DMD: variants seen among roughly 807,000 people sequenced by gnomAD.
The protein encoded by DMD is mutant dystrophin.
Under a neutral mutation model 330.1 loss-of-function variants are expected in DMD, and 63 were observed. The ratio of observed to expected loss-of-function variants is 0.19; its 90% CI spans 0.16 to 0.24. The LOEUF (loss-of-function observed/expected upper bound fraction) is 0.24. Ranked by LOEUF, DMD falls within the 10% of genes least tolerant of loss-of-function variation. DMD has a pLI of 1.00. For synonymous variants in DMD, 1,223 were observed against 959.8 expected (o/e 1.27, Z -5.07); for missense variants, 3,344 against 2,684.1 (o/e 1.25, Z -5.43).
intron 2 of DMD, among the ~76,000 whole-genome samples, chrX:32,857,339 T>C (rs922580961): frequency 8.9e-6 from 1 of 112,126 alleles, no homozygotes; most frequent in Non-Finnish European, 1.9e-5. Flanking sequence ...AGAAAATAAA[T>C]TTACACTTTC....
intron 43 of DMD, among the ~76,000 whole-genome samples, chrX:32,265,572 A>G (rs1368250385): frequency 8.9e-6 from 1 of 111,738 alleles, no homozygotes; most frequent in African/African-American, 3.2e-5. Context: ...AGCCACAGAC[A>G]CTCAATGCTA....
intron 44 of DMD, among the ~76,000 whole-genome samples, chrX:31,990,937 C>G (rs1397646958): frequency 1.8e-5 from 2 of 111,911 alleles, no homozygotes; most frequent in Non-Finnish European, 3.8e-5. Flanking sequence ...TGATGAATTT[C>G]CAAATTGATT....
At position 32,662,294 on chromosome X, in the gene DMD, C is replaced by A. The variant is rs184691825; in HGVS notation, c.961-17142G>T. On this transcript the variant is annotated intron_variant, in intron 9 of 78. Transcript: ENST00000357033. Reference sequence around the variant, plus strand: ...CAAATATGAAAGTACGGCAGCTCTTCAAAAACCTTAACATAAAGGTAAATT... The same window carrying A: ...CAAATATGAAAGTACGGCAGCTCTTAAAAAACCTTAACATAAAGGTAAATT... Among the ~76,000 whole-genome samples, 419 of 111,392 alleles carry A rather than the reference C, an allele frequency of 3.8e-3. 1 individual carries two copies. Among genetic ancestry groups the A allele is most frequent in the African/African-American group, 0.013 (400 of 30,796 alleles).
intron 12 of DMD, among the ~76,000 whole-genome samples, chrX:32,601,806 G>C (rs1001079199): frequency 3.6e-5 from 4 of 111,785 alleles, no homozygotes; most frequent in Non-Finnish European, 7.5e-5. Flanking sequence ...TTCTTTATGT[G>C]GTTAAGAAGA....
At chrX:31,440,147 CT>C (rs56881685) in intron 60 of DMD, among the ~76,000 whole-genome samples, 1,130 of 92,498 alleles carry the variant, frequency 0.012, 16 homozygotes, top group African/African-American at 0.041. Context: ...TAAAGTATTG[CT>C]TTTTTTTTTT....
intron 21 of DMD, among the ~76,000 whole-genome samples, chrX:32,479,894 C>G (rs1239457933): frequency 9.1e-6 from 1 of 110,089 alleles, no homozygotes; most frequent in Non-Finnish European, 1.9e-5. Context: ...GCAACAAAAG[C>G]AAAAATAGAC....
chrX:31,543,506 C>G (rs2073965967), intron 55 of DMD, among the ~76,000 whole-genome samples: 1 of 111,782 alleles, frequency 8.9e-6, no homozygotes. Flanking sequence ...TGGGTGTCAC[C>G]CCTCCCTTCC....
At chrX:32,652,543 A>T (rs1399911611) in intron 9 of DMD, among the ~76,000 whole-genome samples, 1 of 110,323 alleles carries the variant, frequency 9.1e-6, no homozygotes, top group Admixed American at 9.7e-5. Flanking sequence ...TCATCGATGG[A>T]CATTTGGGTT....
chrX:32,605,719 A>T (rs1402795149), intron 12 of DMD, among the ~76,000 whole-genome samples: 1 of 111,369 alleles, frequency 9.0e-6, no homozygotes, highest in Non-Finnish European at 1.9e-5. Flanking sequence ...TAACCCCATT[A>T]AAAAGTAGGC....
intron 44 of DMD, among the ~76,000 whole-genome samples, chrX:32,183,553 A>AATATATAT (rs988760643): frequency 2.1e-4 from 18 of 83,976 alleles, no homozygotes; most frequent in East Asian, 9.4e-4. Flanking sequence ...CAGCTACACA[A>AATATATAT]ATATATATAT....
At chrX:32,014,065 T>C (rs1029861447) in intron 44 of DMD, among the ~76,000 whole-genome samples, 1 of 112,267 alleles carries the variant, frequency 8.9e-6, no homozygotes, top group Non-Finnish European at 1.9e-5. Flanking sequence ...TGAAAAGTTC[T>C]GATATTTCAG....
chrX:32,139,118 T>C (rs755249302), intron 44 of DMD, among the ~76,000 whole-genome samples: 2 of 112,358 alleles, frequency 1.8e-5, no homozygotes, highest in Non-Finnish European at 3.8e-5. Flanking sequence ...GAAAATTAAG[T>C]AGCAAAGGCA....
rs574094334 is a variant in DMD, at chrX:32,298,004, G to A, written c.6118-10303C>T. Among the ~76,000 whole-genome samples, 20 of 110,205 alleles carry A rather than the reference G, an allele frequency of 1.8e-4. No individual in the cohort carries two copies. In the South Asian group the frequency reaches 7.6e-3, roughly 42 times the overall value. On this transcript the variant is annotated intron_variant, in intron 42 of 78. Transcript: ENST00000357033. ...AGTGTATGAGCTAGCGACTACCAGA[G>A]AAATATCAGAGAATGGGGTGGGTAA...
intron 47 of DMD, among the ~76,000 whole-genome samples, chrX:31,923,534 T>C (rs900608889): frequency 9.1e-6 from 1 of 109,749 alleles, no homozygotes; most frequent in Admixed American, 9.7e-5. Context: ...AAAGAAAACA[T>C]TCAAGATAAT....
intron 41 of DMD, among the ~76,000 whole-genome samples, chrX:32,314,525 A>G (rs563627505): frequency 8.9e-5 from 10 of 111,830 alleles, no homozygotes; most frequent in African/African-American, 2.9e-4. Context: ...AGCAACAGCA[A>G]CAAAAGCCAA....
intron 78 of DMD, among the ~76,000 whole-genome samples, chrX:31,123,073 T>TAAAG (rs1482953090): frequency 1.8e-5 from 2 of 111,642 alleles, no homozygotes; most frequent in Non-Finnish European, 3.8e-5. Flanking sequence ...CAATAAAAAT[T>TAAAG]AAAGATATCC....
At chrX:33,305,959 G>C (rs1446357158) in intron 1 of DMD, among the ~76,000 whole-genome samples, 1 of 112,065 alleles carries the variant, frequency 8.9e-6, no homozygotes, top group African/African-American at 3.2e-5. Context: ...AGAGAATTTA[G>C]TGAGGAAAGG....
At chrX:32,155,593 A>G (rs974529018) in intron 44 of DMD, 7 of 190,777 alleles carry the variant, frequency 3.7e-5, no homozygotes, top group African/African-American at 1.8e-4. Flanking sequence ...TTCACTCCAC[A>G]CACAGTCTGC....
At chrX:32,149,016 T>C (rs2096791890) in intron 44 of DMD, among the ~76,000 whole-genome samples, 1 of 112,215 alleles carries the variant, frequency 8.9e-6, no homozygotes, top group African/African-American at 3.2e-5. Flanking sequence ...TTTTCTTTTA[T>C]ACCATTTTCT....
Sources: allele counts gnomAD v4.1 joint callset (sites outside exome capture counted in the v4.1 genomes callset), GRCh38; gene constraint gnomAD v4.1.1; transcripts MANE v1.5; gene names NCBI Gene and HGNC (gene_info 2026-07-23, HGNC 2026-07-21).